DPY19L2: variants seen among roughly 807,000 people sequenced by gnomAD.
The protein encoded by DPY19L2 is dpy-19 like 2, also known as probable C-mannosyltransferase DPY19L2.
DPY19L2 carries 34 observed loss-of-function variants against 97.9 expected under a neutral mutation model. The observed-to-expected ratio is 0.35, with a 90% CI of 0.26 to 0.46. The LOEUF (loss-of-function observed/expected upper bound fraction) is 0.46, where lower values mean the gene tolerates loss of function less well. Ranked by LOEUF, DPY19L2 falls within the 20% of genes least tolerant of loss-of-function variation. The pLI is 1.00. For missense variants in DPY19L2, 623 were observed against 911.4 expected, an observed-to-expected ratio of 0.68 and a Z score of 4.07; for synonymous variants, 230 against 307.9, an observed-to-expected ratio of 0.75 and a Z score of 2.65.
Position 63,570,781 on chromosome 12 carries a change from T to C in DPY19L2, c.1977A>G (p.Pro659=), listed in dbSNP as rs975486527. ...LSTLHPIVNH[P]HYEDADLRAR... is the part of the protein sequence containing the mutation. ...ACCTCAAGTCTGCATCTTCGTAATG[T>C]GGATGATTCACAATGGGATGAAGTG... Residue 659 remains proline (P), a synonymous_variant, in exon 20 of 22, where the codon CCA becomes CCG. Transcript: ENST00000324472. 6.2e-7 allele frequency: 1 copy of C among 1,612,488 alleles called. No individual in the cohort carries two copies. Among genetic ancestry groups the C allele is most frequent in the African/African-American group, 1.3e-5 (1 of 74,572 alleles).
intron 21 of DPY19L2, among the ~76,000 whole-genome samples, chr12:63,567,554 T>G (rs1453490746): frequency 6.6e-6 from 1 of 152,070 alleles, no homozygotes; most frequent in Non-Finnish European, 1.5e-5. Context: ...CTTTTAAAGA[T>G]TTTCAGAGAA....
At position 63,613,409 on chromosome 12, in the gene DPY19L2, C is replaced by T. The variant is rs543139646; in HGVS notation, c.1218+3895G>A. 1.4e-4 allele frequency among the ~76,000 whole-genome samples: 21 copies of T among 152,094 alleles called. No individual in the cohort carries two copies. The East Asian group carries it at 3.1e-3, about 22-fold the overall frequency. On this transcript the variant is annotated intron_variant, in intron 11 of 21. Coordinates refer to ENST00000324472, the MANE Select transcript of DPY19L2 (RefSeq NM_173812.5). ...GAGAAACTATATGATATCATATCTT[C>T]GAAATTCATTTTTGAAAAAACTCAG... is the stretch of plus-strand genomic sequence containing the variant.
Position 63,668,359 on chromosome 12 carries a change from T to A in DPY19L2, c.35A>T (p.Gln12Leu), listed in dbSNP as rs763177429. 1 of 1,613,184 alleles carries A rather than the reference T, an allele frequency of 6.2e-7. No homozygotes were observed. Among genetic ancestry groups the A allele is most frequent in the African/African-American group, 1.3e-5 (1 of 74,840 alleles). The change falls in exon 1 of 22, where the codon CAA becomes CTA. Residue 12 changes from glutamine to leucine, a missense_variant. Physicochemically the swap from Gln to Leu is moderately radical, Grantham distance 113. Coordinates refer to ENST00000324472, the MANE Select transcript of DPY19L2 (RefSeq NM_173812.5). ...CTTAGACTGGCTGCGGCCGGAAGATTGCAGCCGCTTTGAGCTTACTCCTTG... is the reference window on the plus strand; with the variant it reads ...CTTAGACTGGCTGCGGCCGGAAGATAGCAGCCGCTTTGAGCTTACTCCTTG... ...RKQGVSSKRL[Q>L]SSGRSQSKGR...
At chr12:63,622,687 A>C (rs1442645291) in intron 8 of DPY19L2, among the ~76,000 whole-genome samples, 1 of 152,130 alleles carries the variant, frequency 6.6e-6, no homozygotes, top group Non-Finnish European at 1.5e-5. Context: ...GCACTTTGGG[A>C]GGCTGAAGCA....
chr12:63,637,209 C>G (rs1292834401), intron 6 of DPY19L2, among the ~76,000 whole-genome samples: 1 of 152,018 alleles, frequency 6.6e-6, no homozygotes, highest in Non-Finnish European at 1.5e-5. Context: ...GAAATGAAAG[C>G]AGAAATAAAG....
At position 63,668,352 on chromosome 12, in the gene DPY19L2, G is replaced by C. The variant is rs11175111; in HGVS notation, c.42C>G (p.Ser14=). The C allele has an allele frequency of 6.2e-6, 10 of 1,613,310 alleles. No individual in the cohort carries two copies. Among genetic ancestry groups the C allele is most frequent in the Non-Finnish European group, 8.5e-6 (10 of 1,179,806 alleles). ...GCCGCCCCTTAGACTGGCTGCGGCC[G>C]GAAGATTGCAGCCGCTTTGAGCTTA... ...QGVSSKRLQS[S]GRSQSKGRRG... The change falls in exon 1 of 22, where the codon TCC becomes TCG. Residue 14 remains serine, a synonymous_variant. Coordinates refer to ENST00000324472, the MANE Select transcript of DPY19L2 (RefSeq NM_173812.5).
At chr12:63,613,943 C>A (rs2137714979) in intron 11 of DPY19L2, among the ~76,000 whole-genome samples, 1 of 151,964 alleles carries the variant, frequency 6.6e-6, no homozygotes, top group South Asian at 2.1e-4. Context: ...GTAATCCCAG[C>A]ACTTGGGAGG....
intron 19 of DPY19L2, among the ~76,000 whole-genome samples, chr12:63,571,874 A>C (rs1204125343): frequency 6.6e-6 from 1 of 152,180 alleles, no homozygotes; most frequent in Non-Finnish European, 1.5e-5. Context: ...TGTGAAGGTT[A>C]CTATCATTTT....
intron 11 of DPY19L2, among the ~76,000 whole-genome samples, chr12:63,610,817 G>A (rs1222692261): frequency 4.2e-5 from 3 of 72,220 alleles, no homozygotes; most frequent in African/African-American, 1.7e-4. Flanking sequence ...GAAAACTACA[G>A]GCCAGTACCT....
intron 9 of DPY19L2, among the ~76,000 whole-genome samples, 190 bp from the exon 10 acceptor site, chr12:63,618,418 T>A (rs1032683491): frequency 3.3e-5 from 5 of 152,092 alleles, no homozygotes; most frequent in African/African-American, 9.7e-5. Flanking sequence ...AAATATTTTT[T>A]AAATACGTAT....
chr12:63,661,504 ATT>A, intron 3 of DPY19L2, 23 bp from the exon 4 acceptor site: 1 of 1,491,566 alleles, frequency 6.7e-7, no homozygotes, highest in Non-Finnish European at 9.0e-7. Flanking sequence ...AAAGACATAT[ATT>A]GTCAATGTAA....
chr12:63,663,485 T>G (rs1421745332), intron 3 of DPY19L2, among the ~76,000 whole-genome samples: 1 of 152,186 alleles, frequency 6.6e-6, no homozygotes, highest in Admixed American at 6.5e-5. Flanking sequence ...TTCCCTTTTA[T>G]CACTTCTTCA....
rs373655491 is a variant in DPY19L2, at chr12:63,600,294, A to C, written c.1359+12T>G. The C allele has an allele frequency of 2.5e-6, 4 of 1,597,708 alleles. No homozygotes were observed. The highest frequency in any genetic ancestry group is 3.4e-6 in the Non-Finnish European group (4 of 1,167,536). ...TATAAGAACTTTCATGTTTTAACTA[A>C]AAAGTACTTACGTGGTCTGAAACGC... On this transcript the variant is annotated intron_variant, in intron 13 of 21. Coordinates refer to ENST00000324472, the MANE Select transcript of DPY19L2 (RefSeq NM_173812.5).
At chr12:63,589,846 T>G (rs1359639474) in intron 16 of DPY19L2, among the ~76,000 whole-genome samples, 1 of 152,024 alleles carries the variant, frequency 6.6e-6, no homozygotes, top group Non-Finnish European at 1.5e-5. Context: ...ACATAACACA[T>G]AGCCGGGCAC....
rs547191100 is a variant in DPY19L2, at chr12:63,656,161, T to G, written c.588+5183A>C. Among the ~76,000 whole-genome samples, 13 of 152,308 alleles carry G rather than the reference T, an allele frequency of 8.5e-5. No individual in the cohort carries two copies. In the East Asian group the frequency reaches 1.3e-3, roughly 16 times the overall value. ...GCTGGAAGGCCACAAGCAATGTTCTTTTTGGCTTTCTACATCCAAGGGAAA... is the reference window on the plus strand; with the variant it reads ...GCTGGAAGGCCACAAGCAATGTTCTGTTTGGCTTTCTACATCCAAGGGAAA... On this transcript the variant is annotated intron_variant, in intron 4 of 21. Coordinates refer to ENST00000324472, the MANE Select transcript of DPY19L2 (RefSeq NM_173812.5).
chr12:63,558,986 C>T lies in DPY19L2; in HGVS notation c.*1526G>A, dbSNP rs939866175. The stretch of plus-strand genomic sequence containing the variant: ...ATATTTGTACTGAATATTTTATTAG[C>T]TAATACAGTACCATTTTAAAAGTTC... On this transcript the variant is annotated 3_prime_UTR_variant, in exon 22 of 22. Transcript: ENST00000324472. The T allele has an allele frequency of 4.6e-5, 7 of 152,042 alleles. No individual in the cohort carries two copies. Among genetic ancestry groups the T allele is most frequent in the Non-Finnish European group, 8.8e-5 (6 of 68,014 alleles). The allele number at this position is 152,042 out of a possible 1,614,324, so 9.4% of individuals were successfully genotyped here.
At chr12:63,627,358 G>C (rs1471765592) in intron 6 of DPY19L2, among the ~76,000 whole-genome samples, 2 of 151,836 alleles carry the variant, frequency 1.3e-5, no homozygotes, top group East Asian at 1.9e-4. Flanking sequence ...TTGTTGTTTT[G>C]TTTTGTTTTG....
chr12:63,665,495 C>A (rs1050554123), intron 2 of DPY19L2, among the ~76,000 whole-genome samples: 1 of 151,210 alleles, frequency 6.6e-6, no homozygotes, highest in African/African-American at 2.4e-5. Flanking sequence ...AAAGTTATTT[C>A]ACTAGCAACA....
intron 6 of DPY19L2, among the ~76,000 whole-genome samples, chr12:63,636,505 C>T (rs6581498): frequency 0.05 from 7,601 of 151,994 alleles, 557 homozygotes; most frequent in African/African-American, 0.17. Context: ...GATCAAGACC[C>T]ATCATTGTGC....
Sources: allele counts gnomAD v4.1 joint callset (sites outside exome capture counted in the v4.1 genomes callset), GRCh38; gene constraint gnomAD v4.1.1; transcripts MANE v1.5; gene names NCBI Gene and HGNC (gene_info 2026-07-23, HGNC 2026-07-21).